PTPRD: variants seen among roughly 807,000 people sequenced by gnomAD.
PTPRD encodes the protein receptor-type tyrosine-protein phosphatase delta.
PTPRD carries 34 observed loss-of-function variants against 214.5 expected under a neutral mutation model. The observed-to-expected ratio is 0.16, with a 90% CI of 0.12 to 0.21. PTPRD has a LOEUF of 0.21. Among genes scored for constraint, PTPRD ranks in the 10% least tolerant of loss-of-function variants. The pLI is 1.00. For missense variants in PTPRD, 2,545 were observed against 2,398.7 expected, an observed-to-expected ratio of 1.06 and a Z score of -1.27; for synonymous variants, 1,128 against 845.7, an observed-to-expected ratio of 1.33 and a Z score of -5.79.
chr9:9,845,800 CAG>C (rs1374147850), intron 5 of PTPRD, among the ~76,000 whole-genome samples: 4 of 151,996 alleles, frequency 2.6e-5, no homozygotes, highest in Admixed American at 2.0e-4. Flanking sequence ...TTTATGGACT[CAG>C]TATGCAAACC....
In PTPRD at chr9:10,047,312, C is replaced by CGTGTG. The variant is rs1316571345; in HGVS notation, c.-544-13523_-544-13522insCACAC. ...GTAAAATGAAGATAAAATCAACTAA[C>CGTGTG]TGTGTGTGTGTGTGTGTGTGTGTGT... On this transcript the variant is annotated intron_variant, in intron 3 of 45. Coordinates refer to ENST00000381196, the MANE Select transcript of PTPRD (RefSeq NM_002839.4). 2.7e-3 allele frequency among the ~76,000 whole-genome samples: 369 copies of CGTGTG among 138,808 alleles called. 2 individuals are homozygous for CGTGTG. The highest frequency in any genetic ancestry group is 9.2e-3 in the African/African-American group (341 of 36,968). 91.1% of individuals were successfully genotyped at this position (138,808 alleles called of 152,430 possible).
chr9:10,588,627 T>C (rs180870555), intron 2 of PTPRD, among the ~76,000 whole-genome samples: 3 of 152,012 alleles, frequency 2.0e-5, no homozygotes, highest in Non-Finnish European at 4.4e-5. Context: ...TAAAAGACTA[T>C]TGCTCAGTAT....
intron 2 of PTPRD, among the ~76,000 whole-genome samples, chr9:10,570,112 C>T (rs1425050256): frequency 6.6e-6 from 1 of 152,028 alleles, no homozygotes; most frequent in African/African-American, 2.4e-5. Flanking sequence ...AAAAAAGAAT[C>T]TTAAGGAGAC....
intron 8 of PTPRD, among the ~76,000 whole-genome samples, chr9:9,537,242 T>G (rs887151887): frequency 1.3e-5 from 2 of 151,996 alleles, no homozygotes; most frequent in African/African-American, 4.8e-5. Flanking sequence ...CTTTTCATTT[T>G]TTTTATTTTT....
At chr9:10,050,844 A>G (rs2097523851) in intron 3 of PTPRD, among the ~76,000 whole-genome samples, 1 of 151,830 alleles carries the variant, frequency 6.6e-6, no homozygotes, top group East Asian at 1.9e-4. Context: ...TACATACTGG[A>G]CTCCAAAAAT....
At chr9:8,451,748 G>T (rs529899959) in intron 33 of PTPRD, 50 of 323,020 alleles carry the variant, frequency 1.5e-4, no homozygotes, top group Admixed American at 2.5e-4. Context: ...GCATAAGTTG[G>T]CAAGGATGCA....
At chr9:8,976,150 T>C (rs1294090275) in intron 11 of PTPRD, among the ~76,000 whole-genome samples, 2 of 152,098 alleles carry the variant, frequency 1.3e-5, no homozygotes, top group Admixed American at 6.6e-5. Context: ...TCCCTTCTTT[T>C]TCTGCACCCT....
intron 9 of PTPRD, among the ~76,000 whole-genome samples, chr9:9,220,542 T>C (rs2099955256): frequency 6.6e-6 from 1 of 152,106 alleles, no homozygotes; most frequent in African/African-American, 2.4e-5. Context: ...AATAGGTGGA[T>C]TTTAAAAAGC....
chr9:10,309,115 T>G (rs866858762), intron 3 of PTPRD, among the ~76,000 whole-genome samples: 5 of 152,010 alleles, frequency 3.3e-5, no homozygotes, highest in Non-Finnish European at 7.4e-5. Context: ...CCTAAGCAAC[T>G]CAGCATCCTT....
At chr9:9,881,361 A>G (rs1158550956) in intron 5 of PTPRD, among the ~76,000 whole-genome samples, 3 of 152,158 alleles carry the variant, frequency 2.0e-5, no homozygotes, top group African/African-American at 7.2e-5. Context: ...TATTTTGCCT[A>G]TCTCAAACTA....
At chr9:8,361,383 G>A (rs569950734) in intron 39 of PTPRD, among the ~76,000 whole-genome samples, 2 of 152,268 alleles carry the variant, frequency 1.3e-5, no homozygotes, top group African/African-American at 2.4e-5. Context: ...AGGACAATTT[G>A]GGGTACAAGC....
At chr9:8,324,733 C>G (rs1313948316) in intron 44 of PTPRD, among the ~76,000 whole-genome samples, 1 of 152,160 alleles carries the variant, frequency 6.6e-6, no homozygotes, top group Non-Finnish European at 1.5e-5. Flanking sequence ...TAAAAGCATT[C>G]CTATTTCTCC....
chr9:9,932,007 G>C (rs1270718868), intron 5 of PTPRD, among the ~76,000 whole-genome samples: 1 of 152,010 alleles, frequency 6.6e-6, no homozygotes, highest in Non-Finnish European at 1.5e-5. Flanking sequence ...CAGACCTGCA[G>C]CTGAGGGTCC....
At chr9:8,870,729 C>CACAT (rs1555457923) in intron 11 of PTPRD, among the ~76,000 whole-genome samples, 7 of 151,180 alleles carry the variant, frequency 4.6e-5, no homozygotes, top group African/African-American at 1.7e-4. Context: ...CACACACACA[C>CACAT]GGGAGTTCAG....
rs1389305858 is a variant in PTPRD, at chr9:8,948,437, TTACATATA to T, written c.-104+70252_-104+70259del. Among the ~76,000 whole-genome samples the T allele has an allele frequency of 6.5e-4, 13 of 20,108 alleles. 1 individual carries two copies. The highest frequency in any genetic ancestry group is 2.1e-3 in the African/African-American group (12 of 5,842). 13.2% of individuals were successfully genotyped at this position (20,108 alleles called of 152,430 possible). A position where few individuals can be genotyped will look rare whatever the true frequency, so the allele number is the denominator to read the frequency against. ...TATATATATATATTTATATATATAT[TTACATATA>T]TATATATTTATATATATATTTACAT... is the stretch of plus-strand genomic sequence containing the variant. On this transcript the variant is annotated intron_variant, in intron 11 of 45. Transcript: ENST00000381196.
intron 12 of PTPRD, among the ~76,000 whole-genome samples, chr9:8,650,315 A>T (rs2096781391): frequency 6.6e-6 from 1 of 151,996 alleles, no homozygotes; most frequent in Non-Finnish European, 1.5e-5. Flanking sequence ...GGATCACCTG[A>T]GGTTAGGAGT....
At chr9:8,991,600 G>T (rs577589340) in intron 11 of PTPRD, among the ~76,000 whole-genome samples, 16 of 152,118 alleles carry the variant, frequency 1.1e-4, no homozygotes, top group Non-Finnish European at 1.9e-4. Flanking sequence ...GTAAATAGAG[G>T]CTTAGATTTG....
chr9:9,356,894 T>C (rs1889106), intron 9 of PTPRD, among the ~76,000 whole-genome samples: 2 of 151,218 alleles, frequency 1.3e-5, no homozygotes, highest in Non-Finnish European at 3.0e-5. Context: ...AGCTGGCAAC[T>C]TGCTACCAGT....
At position 8,518,440 on chromosome 9, in the gene PTPRD, G is replaced by T; in HGVS notation, c.962-11C>A. ...GAGGTTTGGGTAAGGCTTGGATGGG[G>T]GAAGATAAAAGACAATGACTACCCA... On this transcript the variant is annotated splice_polypyrimidine_tract_variant and intron_variant, in intron 20 of 45. Coordinates refer to ENST00000381196, the MANE Select transcript of PTPRD (RefSeq NM_002839.4). 1 of 1,560,832 alleles carries T rather than the reference G, an allele frequency of 6.4e-7. No homozygotes were observed. The highest frequency in any genetic ancestry group is 1.2e-5 in the South Asian group (1 of 83,256).
Sources: gnomAD v4.1 joint callset for allele counts (sites outside exome capture counted in the v4.1 genomes callset) on GRCh38, gnomAD v4.1.1 for gene constraint, MANE v1.5 for transcripts, NCBI Gene and HGNC (gene_info 2026-07-23, HGNC 2026-07-21) for gene names.